Variants in NPAS3 observed in about 807,000 individuals in gnomAD.
NPAS3 encodes the protein neuronal PAS domain protein 3.
Under a neutral mutation model 73.1 loss-of-function variants are expected in NPAS3, and 14 were observed. The observed-to-expected ratio is 0.19, with a 90% CI of 0.13 to 0.30. The LOEUF (loss-of-function observed/expected upper bound fraction) is 0.30, where lower values mean the gene tolerates loss of function less well. Among genes scored for constraint, NPAS3 ranks in the 10% least tolerant of loss-of-function variants. The pLI is 1.00. For missense variants in NPAS3, 1,096 were observed against 1,250.0 expected, an observed-to-expected ratio of 0.88 and a Z score of 1.86; for synonymous variants, 620 against 541.5, an observed-to-expected ratio of 1.14 and a Z score of -2.01.
chr14:33,768,629 A>G (rs768471564), intron 7 of NPAS3, among the ~76,000 whole-genome samples: 1 of 152,286 alleles, frequency 6.6e-6, no homozygotes, highest in East Asian at 1.9e-4. Context: ...CCTAGAGATG[A>G]GTGAGAATTG....
At chr14:32,937,709 AT>A (rs1022384315), upstream of NPAS3, among the ~76,000 whole-genome samples, 2 of 152,058 alleles carry the variant, frequency 1.3e-5, no homozygotes, top group African/African-American at 4.8e-5. Flanking sequence ...TCAGGTCTTT[AT>A]TTTTTTCTTA....
intron 4 of NPAS3, among the ~76,000 whole-genome samples, chr14:33,481,942 TAA>T (rs960773643): frequency 2.5e-4 from 38 of 151,178 alleles, no homozygotes; most frequent in Admixed American, 4.6e-4. Flanking sequence ...AATTTAAAAA[TAA>T]AAGATACCAG....
chr14:33,380,845 T>TA lies in NPAS3; in HGVS notation c.468+13583dup, dbSNP rs557324139. On this transcript the variant is annotated intron_variant, in intron 4 of 11. Transcript: ENST00000356141. ...GCTCTTTCCCTCAATTCTAAAGATA[T>TA]AAAAAATGCAGGTGACCCTTTAGGC... is the stretch of plus-strand genomic sequence containing the variant. Among the ~76,000 whole-genome samples, 19 of 152,234 alleles carry TA rather than the reference T, an allele frequency of 1.2e-4. No individual in the cohort carries two copies. The South Asian group carries it at 3.9e-3, about 32-fold the overall frequency.
chr14:33,206,749 A>G (rs984614976), intron 2 of NPAS3, among the ~76,000 whole-genome samples: 2 of 152,076 alleles, frequency 1.3e-5, no homozygotes, highest in African/African-American at 2.4e-5. Context: ...AGCAGAAATA[A>G]CATGTATCCT....
At chr14:33,581,037 A>G (rs2139878769) in intron 5 of NPAS3, among the ~76,000 whole-genome samples, 1 of 152,348 alleles carries the variant, frequency 6.6e-6, no homozygotes, top group African/African-American at 2.4e-5. Context: ...TAAACATGAC[A>G]CTGGGATATT....
chr14:33,040,340 GA>G (rs1433207976), intron 1 of NPAS3, among the ~76,000 whole-genome samples: 1 of 152,144 alleles, frequency 6.6e-6, no homozygotes, highest in Non-Finnish European at 1.5e-5. Flanking sequence ...GTTTTTGCCA[GA>G]CTAGAAATCA....
At chr14:33,355,150 C>G (rs1397277193) in intron 3 of NPAS3, among the ~76,000 whole-genome samples, 1 of 152,208 alleles carries the variant, frequency 6.6e-6, no homozygotes, top group Non-Finnish European at 1.5e-5. Context: ...GTGTTCTTCT[C>G]TCTACCCAAA....
At chr14:33,332,666 A>G (rs922881760) in intron 3 of NPAS3, among the ~76,000 whole-genome samples, 5 of 152,166 alleles carry the variant, frequency 3.3e-5, no homozygotes, top group African/African-American at 1.2e-4. Context: ...TGCTGCCCTC[A>G]ACAAACGCTT....
chr14:33,299,258 G>A (rs1420356785), intron 3 of NPAS3, among the ~76,000 whole-genome samples: 2 of 152,166 alleles, frequency 1.3e-5, no homozygotes, highest in Non-Finnish European at 2.9e-5. Flanking sequence ...TAGCTTCTGG[G>A]TTAGGGAAGA....
intron 1 of NPAS3, among the ~76,000 whole-genome samples, chr14:32,984,360 G>C (rs2038016243): frequency 6.6e-6 from 1 of 152,172 alleles, no homozygotes; most frequent in Non-Finnish European, 1.5e-5. Flanking sequence ...TAGTGCTTCT[G>C]TAAGGTGAAA....
At chr14:33,311,115 T>C (rs2042984004) in intron 3 of NPAS3, among the ~76,000 whole-genome samples, 2 of 152,244 alleles carry the variant, frequency 1.3e-5, no homozygotes, top group Admixed American at 1.3e-4. Context: ...TACTGAGCTA[T>C]ATGGAGTGTC....
chr14:33,627,896 T>C (rs1465372086), intron 5 of NPAS3, among the ~76,000 whole-genome samples: 3 of 152,190 alleles, frequency 2.0e-5, no homozygotes, highest in Admixed American at 2.0e-4. Flanking sequence ...CAAATAGCCA[T>C]GTAAATAAAC....
intron 7 of NPAS3, among the ~76,000 whole-genome samples, chr14:33,737,516 C>A (rs1024932054): frequency 3.3e-5 from 5 of 152,092 alleles, no homozygotes; most frequent in African/African-American, 1.2e-4. Context: ...TCTCAAGATA[C>A]CATGAGAGTC....
At chr14:33,738,958 C>T (rs553173960) in intron 7 of NPAS3, among the ~76,000 whole-genome samples, 11 of 152,234 alleles carry the variant, frequency 7.2e-5, no homozygotes, top group Admixed American at 2.6e-4. Context: ...TCCTTAGCTC[C>T]GTCTTTGGAG....
At chr14:33,573,440 T>C (rs1331738525) in intron 5 of NPAS3, among the ~76,000 whole-genome samples, 2 of 152,146 alleles carry the variant, frequency 1.3e-5, no homozygotes, top group African/African-American at 4.8e-5. Flanking sequence ...ATGGTCACAA[T>C]AGAGAGATCC....
At position 33,249,350 on chromosome 14, in the gene NPAS3, CTTT is replaced by C. The variant is rs5807709; in HGVS notation, c.385+33935_385+33937del. Among the ~76,000 whole-genome samples, 784 of 147,206 alleles carry C rather than the reference CTTT, an allele frequency of 5.3e-3. 4 individuals carry two copies. The highest frequency in any genetic ancestry group is 8.9e-3 in the Non-Finnish European group (593 of 66,626). ...CCATTTTAATTCCCGTCCCCCCCAC[CTTT>C]TTTTTTTTTTCTTTCCTAACAGTCT... On this transcript the variant is annotated intron_variant, in intron 3 of 11. Coordinates refer to ENST00000356141, the Ensembl canonical transcript of NPAS3.
At position 33,443,217 on chromosome 14, in the gene NPAS3, TA is replaced by T. The variant is rs1269705902; in HGVS notation, c.468+75954del. ...ATTTCAAGTCTATCGAATATGCTGC[TA>T]AAAACATCATTATACTTAAAGGGAA... On this transcript the variant is annotated intron_variant, in intron 4 of 11. Transcript: ENST00000356141. Among the ~76,000 whole-genome samples the T allele has an allele frequency of 3.3e-5, 5 of 151,878 alleles. No individual in the cohort carries two copies. The East Asian group carries it at 9.7e-4, about 29-fold the overall frequency.
At chr14:33,665,544 T>C (rs112941072) in intron 5 of NPAS3, among the ~76,000 whole-genome samples, 5,130 of 152,228 alleles carry the variant, frequency 0.034, 277 homozygotes, top group African/African-American at 0.12. Context: ...AAAGGATAAA[T>C]GCTTGAGGGA....
rs142029665 is a variant in NPAS3 at position 33,303,833 on chromosome 14, T to C, written c.386-63353T>C. Among the ~76,000 whole-genome samples, 955 of 152,366 alleles carry C rather than the reference T, an allele frequency of 6.3e-3. 9 individuals carry two copies. The highest frequency in any genetic ancestry group is 0.011 in the Non-Finnish European group (718 of 68,032). ...TCTCAAATTCCAGTAACTTGTCTTG[T>C]TGTGGTTTGATTGTTGGTGGGAGAT... On this transcript the variant is annotated intron_variant, in intron 3 of 11. Transcript: ENST00000356141.
Sources: gnomAD v4.1 joint callset for allele counts (sites outside exome capture counted in the v4.1 genomes callset) on GRCh38, gnomAD v4.1.1 for gene constraint, MANE v1.5 for transcripts, NCBI Gene and HGNC (gene_info 2026-07-23, HGNC 2026-07-21) for gene names.